The following MIR2052HG variants were observed in gnomAD, a reference collection of about 807,000 sequenced individuals.
MIR2052HG encodes the protein MIR2052 host gene.
intron 2 of MIR2052HG, among the ~76,000 whole-genome samples, chr8:74,699,600 T>G (rs1347390841): frequency 2.0e-5 from 3 of 151,844 alleles, no homozygotes; most frequent in Non-Finnish European, 4.4e-5. Flanking sequence ...GATGCAAAGG[T>G]GTAAGAATGA....
chr8:74,703,082 T>A (rs116519706), intron 3 of MIR2052HG, among the ~76,000 whole-genome samples: 1 of 151,908 alleles, frequency 6.6e-6, no homozygotes, highest in Admixed American at 6.6e-5. Flanking sequence ...GTAGCAGAAG[T>A]CACATAAGAA....
At chr8:74,607,120 T>TAA (rs930404703) in intron 1 of MIR2052HG, among the ~76,000 whole-genome samples, 1 of 136,248 alleles carries the variant, frequency 7.3e-6, no homozygotes, top group Non-Finnish European at 1.6e-5. Flanking sequence ...GAGTAAAACT[T>TAA]AAAAAAAAAA....
rs145325146 is a variant in MIR2052HG, at chr8:74,698,641, G to T, written n.217-3738G>T. 3.3e-3 allele frequency among the ~76,000 whole-genome samples: 504 copies of T among 152,190 alleles called. 3 individuals are homozygous for T. Among genetic ancestry groups the T allele is most frequent in the African/African-American group, 0.012 (480 of 41,532 alleles). On this transcript the variant is annotated intron_variant and non_coding_transcript_variant, in intron 2 of 6. Transcript: ENST00000523442. ...AGGACTAATATACAGAATATACAAG[G>T]AACTCAAACAAATCAGCAAGAACAA...
chr8:74,700,443 A>G (rs1809347099), intron 2 of MIR2052HG, among the ~76,000 whole-genome samples: 1 of 152,220 alleles, frequency 6.6e-6, no homozygotes, highest in Admixed American at 6.5e-5. Flanking sequence ...CTTTTCTGAT[A>G]GCCACATTAA....
intron 2 of MIR2052HG, among the ~76,000 whole-genome samples, chr8:74,690,767 T>C (rs1021809492): frequency 6.6e-6 from 1 of 152,092 alleles, no homozygotes; most frequent in African/African-American, 2.4e-5. Context: ...TGTAAGAAGT[T>C]TAGGCGGTAT....
chr8:74,752,919 A>G (rs1319189985), intron 5 of MIR2052HG, among the ~76,000 whole-genome samples: 1 of 152,224 alleles, frequency 6.6e-6, no homozygotes, highest in Non-Finnish European at 1.5e-5. Flanking sequence ...ATTCACCTGC[A>G]TGATTCCTTA....
At chr8:74,605,377 T>G (rs1808096482) in intron 1 of MIR2052HG, among the ~76,000 whole-genome samples, 1 of 152,250 alleles carries the variant, frequency 6.6e-6, no homozygotes, top group African/African-American at 2.4e-5. Flanking sequence ...ATTTGATTCC[T>G]TAGGGCATTT....
intron 5 of MIR2052HG, among the ~76,000 whole-genome samples, chr8:74,755,430 T>C (rs1015246145): frequency 2.0e-5 from 3 of 152,222 alleles, no homozygotes; most frequent in African/African-American, 4.8e-5. Context: ...ATATTAGCCA[T>C]TGTAGTTAAC....
chr8:74,722,809 T>C (rs1412994232), intron 4 of MIR2052HG, among the ~76,000 whole-genome samples: 2 of 152,244 alleles, frequency 1.3e-5, no homozygotes, highest in Non-Finnish European at 2.9e-5. Flanking sequence ...CTTCATATTA[T>C]AGTGGAAGGA....
intron 4 of MIR2052HG, among the ~76,000 whole-genome samples, chr8:74,720,369 C>T (rs1397941058): frequency 6.6e-6 from 1 of 152,118 alleles, no homozygotes; most frequent in Non-Finnish European, 1.5e-5. Flanking sequence ...TCTCTTGTGA[C>T]ACTTTGTTGA....
At chr8:74,662,339 A>G (rs181057300) in intron 2 of MIR2052HG, among the ~76,000 whole-genome samples, 1 of 152,058 alleles carries the variant, frequency 6.6e-6, no homozygotes, top group Admixed American at 6.6e-5. Flanking sequence ...TTCAGCCTCT[A>G]GAAGAAGAGT....
intron 2 of MIR2052HG, among the ~76,000 whole-genome samples, chr8:74,685,869 C>G (rs1477943750): frequency 6.6e-6 from 1 of 151,942 alleles, no homozygotes; most frequent in Non-Finnish European, 1.5e-5. Flanking sequence ...ATACTAGTTT[C>G]CAAGTGGACA....
intron 4 of MIR2052HG, among the ~76,000 whole-genome samples, chr8:74,724,612 C>T (rs1000090057): frequency 6.6e-6 from 1 of 152,174 alleles, no homozygotes; most frequent in Non-Finnish European, 1.5e-5. Context: ...GACAACTTTT[C>T]TAACTATGCT....
At chr8:74,678,454 T>C (rs1178021613) in intron 2 of MIR2052HG, among the ~76,000 whole-genome samples, 2 of 150,502 alleles carry the variant, frequency 1.3e-5, no homozygotes, top group African/African-American at 2.4e-5. Context: ...TCCCAGCTAC[T>C]TGGGAGGCGG....
At chr8:74,630,844 T>C (rs150546529) in intron 2 of MIR2052HG, among the ~76,000 whole-genome samples, 7 of 152,342 alleles carry the variant, frequency 4.6e-5, no homozygotes, top group East Asian at 1.9e-4. Context: ...TTGTTTCCTG[T>C]AGCCTACTTC....
At chr8:74,630,070 A>G (rs1379891228) in intron 2 of MIR2052HG, among the ~76,000 whole-genome samples, 2 of 152,352 alleles carry the variant, frequency 1.3e-5, no homozygotes, top group East Asian at 3.9e-4. Flanking sequence ...AAAAGCTAGG[A>G]CAATGAATTT....
chr8:74,679,165 T>C (rs1809090495), intron 2 of MIR2052HG, among the ~76,000 whole-genome samples: 1 of 152,200 alleles, frequency 6.6e-6, no homozygotes, highest in African/African-American at 2.4e-5. Context: ...TATTTAGTGA[T>C]GGTTTCCGAG....
chr8:74,690,048 T>G (rs992994229), intron 2 of MIR2052HG, among the ~76,000 whole-genome samples: 2 of 152,098 alleles, frequency 1.3e-5, no homozygotes, highest in Admixed American at 6.5e-5. Flanking sequence ...CTAAGTATTA[T>G]GATAAACTCA....
chr8:74,703,844 A>G (rs988508196), intron 4 of MIR2052HG, among the ~76,000 whole-genome samples: 4 of 152,070 alleles, frequency 2.6e-5, no homozygotes, highest in African/African-American at 9.7e-5. Context: ...AAGCATCCTT[A>G]GGAATACAAA....
Sources: allele counts gnomAD v4.1 joint callset (sites outside exome capture counted in the v4.1 genomes callset), GRCh38; gene constraint gnomAD v4.1.1; transcripts MANE v1.5; gene names NCBI Gene and HGNC (gene_info 2026-07-23, HGNC 2026-07-21).